The following BCAR1 variants were observed in gnomAD, a reference collection of about 807,000 sequenced individuals.
The protein encoded by BCAR1 is breast cancer anti-estrogen resistance protein 1.
BCAR1 carries 30 observed loss-of-function variants against 67.6 expected under a neutral mutation model. The observed-to-expected ratio is 0.44, with a 90% CI of 0.33 to 0.60. BCAR1 has a LOEUF of 0.60. Ranked by LOEUF, BCAR1 falls within the 20% of genes least tolerant of loss-of-function variation. The probability of loss-of-function intolerance (pLI) is 0.02; values close to 1 mark genes in which losing one functional copy is unlikely to be tolerated. For synonymous variants in BCAR1, 626 were observed against 556.7 expected (o/e 1.12, Z -1.75); for missense variants, 1,313 against 1,222.3 (o/e 1.07, Z -1.11).
rs146081730 is a variant in BCAR1 at position 75,263,157 on chromosome 16, C to G, written c.66+4758G>C. 7.3e-4 allele frequency: 703 copies of G among 962,234 alleles called. 3 individuals are homozygous for G. In the African/African-American group the frequency reaches 0.012, roughly 16 times the overall value. 59.6% of individuals were successfully genotyped at this position (962,234 alleles called of 1,614,324 possible). ...CCTCAACGAAGGGGCACAGGAGGAG[C>G]TGGAGTGGCCACACTCACTTCACAG... On this transcript the variant is annotated intron_variant, in intron 1 of 6. Coordinates refer to the BCAR1 transcript ENST00000393422.
intron 1 of BCAR1, chr16:75,246,945 T>C (rs530935372): frequency 6.6e-6 from 1 of 152,430 alleles, no homozygotes; most frequent in South Asian, 2.1e-4. Flanking sequence ...AGGTGGACAC[T>C]GTCAGCCACC....
chr16:75,262,570 G>A (rs2077928900), intron 1 of BCAR1, among the ~76,000 whole-genome samples: 1 of 152,166 alleles, frequency 6.6e-6, no homozygotes, highest in Non-Finnish European at 1.5e-5. Flanking sequence ...CTGAGCTGCG[G>A]ACTTTGAACC....
chr16:75,229,947 T>C lies in BCAR1; in HGVS notation c.2177A>G (p.Gln726Arg), dbSNP rs1467313569. 6.2e-7 allele frequency: 1 copy of C among 1,600,220 alleles called. No individual in the cohort carries two copies. Among genetic ancestry groups the C allele is most frequent in the South Asian group, 1.1e-5 (1 of 90,264 alleles). Residue 726 changes from glutamine (Q) to arginine (R), a missense_variant, in exon 7 of 7, where the codon CAA (glutamine) becomes CGA (arginine). Coordinates refer to ENST00000162330, the MANE Select transcript of BCAR1 (RefSeq NM_014567.5). ...DHDLANWTPA[Q>R]PLAPGRTGGL... ...GCCTGTTCGCCCCGGGGCCAGGGGT[T>C]GGGCTGGCGTCCAGTTGGCCAGGTC...
At chr16:75,244,017 G>T (rs868100332) in intron 1 of BCAR1, among the ~76,000 whole-genome samples, 14 of 152,184 alleles carry the variant, frequency 9.2e-5, no homozygotes, top group African/African-American at 2.4e-4. Context: ...CCAGGGCTGC[G>T]GCCCCTCCTA....
At chr16:75,259,829 G>T (rs2151478228) in intron 1 of BCAR1, among the ~76,000 whole-genome samples, 1 of 138,774 alleles carries the variant, frequency 7.2e-6, no homozygotes, top group East Asian at 2.1e-4. Context: ...TACAGCTTGG[G>T]TGACAGAATG....
chr16:75,230,863 G>C (rs1188505632), intron 6 of BCAR1, among the ~76,000 whole-genome samples: 1 of 152,196 alleles, frequency 6.6e-6, no homozygotes, highest in Non-Finnish European at 1.5e-5. Context: ...TAGCCAGTGA[G>C]ATACATACTC....
intron 5 of BCAR1, among the ~76,000 whole-genome samples, chr16:75,234,201 A>ACACACC (rs1567586895): frequency 9.4e-6 from 1 of 106,896 alleles, no homozygotes; most frequent in South Asian, 3.6e-4. Flanking sequence ...ACACACACAC[A>ACACACC]CTCCCCCAGG....
upstream of BCAR1, chr16:75,252,007 C>A (rs2077692898): frequency 1.6e-6 from 1 of 639,326 alleles, no homozygotes; most frequent in Admixed American, 2.9e-5. Flanking sequence ...ACTTGTCTTT[C>A]CCGCTAACCA....
chr16:75,263,414 C>G, intron 1 of BCAR1: 2 of 985,444 alleles, frequency 2.0e-6, no homozygotes, highest in Non-Finnish European at 2.4e-6. Flanking sequence ...CATGGGAATA[C>G]CCACAGGGTG....
chr16:75,252,130 C>T, upstream of BCAR1: 2 of 1,450,538 alleles, frequency 1.4e-6, no homozygotes, highest in Non-Finnish European at 9.3e-7. Flanking sequence ...ACCACCACAG[C>T]TCCGACTGTA....
rs553144475 is a variant in BCAR1, at chr16:75,234,744, G to A, written c.2010+145C>T. 3.1e-5 allele frequency: 39 copies of A among 1,271,562 alleles called. No individual in the cohort carries two copies. In the Admixed American group the frequency reaches 8.4e-4, roughly 27 times the overall value. 78.8% of individuals were successfully genotyped at this position (1,271,562 alleles called of 1,614,324 possible). On this transcript the variant is annotated intron_variant, in intron 5 of 6. Transcript: ENST00000162330. ...TGACATGGCCACCCTAGCACATGGG[G>A]CCAATGTGGGGTGAGGGAGGTCAAA...
Position 75,242,818 on chromosome 16 carries a change from C to T in BCAR1, c.285G>A (p.Pro95=), listed in dbSNP as rs754512435. 1.4e-5 allele frequency: 23 copies of T among 1,604,514 alleles called. No individual in the cohort carries two copies. The highest frequency in any genetic ancestry group is 2.0e-4 in the Middle Eastern group (1 of 4,950). ...PQPGLHAPAP[P]ASQYTPMLPN... ...GGAGCATGGGCGTGTACTGGGAGGC[C>T]GGAGGCGCTGGGGCATGGAGGCCAG... The change falls in exon 2 of 7, where the codon CCG becomes CCA. Residue 95 remains proline, a synonymous_variant. Transcript: ENST00000162330.
At chr16:75,255,432 C>G (rs1231837747), upstream of BCAR1, among the ~76,000 whole-genome samples, 3 of 152,196 alleles carry the variant, frequency 2.0e-5, no homozygotes, top group South Asian at 2.1e-4. Flanking sequence ...GTGGCAAGCT[C>G]AAAACCAAGG....
rs1479389525 is a variant in BCAR1, at chr16:75,241,171, G to A, written c.633+1299C>T. Reference sequence around the variant, plus strand: ...GTCTGTGTGTGGGGTGAGTATGCACGTGTGTTTACACATATGGGGTTTGGG... The same window carrying A: ...GTCTGTGTGTGGGGTGAGTATGCACATGTGTTTACACATATGGGGTTTGGG... On this transcript the variant is annotated intron_variant, in intron 2 of 6. Transcript: ENST00000162330. Among the ~76,000 whole-genome samples, 9 of 152,326 alleles carry A rather than the reference G, an allele frequency of 5.9e-5. No homozygotes were observed. The East Asian group carries it at 7.7e-4, about 13-fold the overall frequency.
intron 1 of BCAR1, among the ~76,000 whole-genome samples, chr16:75,258,362 T>C (rs1375636965): frequency 6.6e-6 from 1 of 152,224 alleles, no homozygotes; most frequent in Non-Finnish European, 1.5e-5. Context: ...GGGTCTCCTC[T>C]TGGACTGCCC....
upstream of BCAR1, among the ~76,000 whole-genome samples, chr16:75,255,452 G>A (rs1314177212): frequency 1.3e-5 from 2 of 152,232 alleles, no homozygotes; most frequent in African/African-American, 2.4e-5. Flanking sequence ...GCAAGGCTGG[G>A]CAAGGTGGCT....
chr16:75,243,370 G>C (rs2077416576), intron 1 of BCAR1: 1 of 628,992 alleles, frequency 1.6e-6, no homozygotes, highest in Non-Finnish European at 2.9e-6. Flanking sequence ...TGACCCTCAA[G>C]ATATCCCTAA....
Position 75,228,571 on chromosome 16 carries a change from A to C in BCAR1, c.*940T>G, listed in dbSNP as rs1206645091. 1 of 152,328 alleles carries C rather than the reference A, an allele frequency of 6.6e-6. No individual in the cohort carries two copies. The highest frequency in any genetic ancestry group is 1.5e-5 in the Non-Finnish European group (1 of 68,114). The allele number at this position is 152,328 out of a possible 1,614,324, so 9.4% of individuals were successfully genotyped here. The stretch of plus-strand genomic sequence containing the variant: ...TCCATGTGCACTTCGGGAGTTCCGC[A>C]GGCTGGGATGAGATTCTTTTAAGCA... On this transcript the variant is annotated 3_prime_UTR_variant, in exon 7 of 7. Coordinates refer to ENST00000162330, the MANE Select transcript of BCAR1 (RefSeq NM_014567.5).
chr16:75,261,664 A>G (rs1323522127), intron 1 of BCAR1, among the ~76,000 whole-genome samples: 1 of 152,238 alleles, frequency 6.6e-6, no homozygotes, highest in Non-Finnish European at 1.5e-5. Context: ...GGACCTGACC[A>G]TCCAAGGCTC....
Sources: allele counts gnomAD v4.1 joint callset (sites outside exome capture counted in the v4.1 genomes callset), GRCh38; gene constraint gnomAD v4.1.1; transcripts MANE v1.5; gene names NCBI Gene and HGNC (gene_info 2026-07-23, HGNC 2026-07-21).